The following CAPNS1 variants were observed in gnomAD, a reference collection of about 807,000 sequenced individuals.
The protein encoded by CAPNS1 is calpain small subunit 1, also known as CANP small subunit.
CAPNS1 carries 32 observed loss-of-function variants against 39.2 expected under a neutral mutation model. The observed-to-expected ratio is 0.82, with a 90% CI of 0.62 to 1.10. CAPNS1 has a LOEUF of 1.10. Ranked by LOEUF, CAPNS1 falls within the 50% of genes least tolerant of loss-of-function variation. The pLI, the probability that CAPNS1 is intolerant of heterozygous loss-of-function variation, is 0.00. For missense variants in CAPNS1, 353 were observed against 373.1 expected (o/e 0.95, Z 0.44); for synonymous variants, 153 against 136.2 (o/e 1.12, Z -0.86).
At chr19:36,140,852 T>A in intron 1 of CAPNS1, 145 bp from the exon 2 acceptor site, 1 of 1,278,056 alleles carries the variant, frequency 7.8e-7, no homozygotes, top group Non-Finnish European at 1.1e-6. Context: ...GCCCCACCCA[T>A]CCGCGGACAA....
rs1159111926 is a variant in CAPNS1, at chr19:36,142,310, G to A, written c.220G>A (p.Ala74Thr). 5.0e-6 allele frequency: 8 copies of A among 1,593,170 alleles called. No individual in the cohort carries two copies. The change falls in exon 3 of 11, where the codon GCG becomes ACG. Residue 74 changes from alanine to threonine, a missense_variant. Physicochemically the swap from Ala to Thr is moderately conservative, Grantham distance 58. Transcript: ENST00000246533. ...GVISAISEAAAQYNPEPPPPR... is the reference protein window; with the variant it reads ...GVISAISEAATQYNPEPPPPR... ...CTTATCTCTTCGCAGCGAGGCGGCT[G>A]CGCAGTACAACCCGGAGCCCCCGGT...
intron 3 of CAPNS1, 91 bp downstream of exon 3, chr19:36,142,424 C>G: frequency 1.4e-6 from 1 of 728,432 alleles, no homozygotes; most frequent in South Asian, 1.7e-5. Flanking sequence ...CACCTTCCTC[C>G]CCTTCTTGTG....
In CAPNS1 at chr19:36,140,110, C is replaced by G. The variant is rs866365052; in HGVS notation, c.-63C>G. ...CCGGAGCCGGACGCTGCGGGAGGCC[C>G]GGGAGCGGCAGTGGAACCGACTCCC... On this transcript the variant is annotated 5_prime_UTR_variant, in exon 1 of 11. Transcript: ENST00000246533. The G allele has an allele frequency of 1.3e-5, 2 of 152,200 alleles. No individual in the cohort carries two copies. The highest frequency in any genetic ancestry group is 6.5e-5 in the Admixed American group (1 of 15,286). 9.4% of individuals were successfully genotyped at this position (152,200 alleles called of 1,614,324 possible).
At position 36,146,203 on chromosome 19, in the gene CAPNS1, C is replaced by G. The variant is rs150977927; in HGVS notation, c.612C>G (p.His204Gln). 6.2e-7 allele frequency: 1 copy of G among 1,612,244 alleles called. No homozygotes were observed. Among genetic ancestry groups the G allele is most frequent in the African/African-American group, 1.3e-5 (1 of 75,024 alleles). ...LPGAFEAAGF[H>Q]LNEHLYNMII... is the part of the protein sequence containing the mutation. ...GGACTACATCCATCTTAGGGTTCCACCTGAATGAGCATCTCTATAACATGA... is the reference window on the plus strand; with the variant it reads ...GGACTACATCCATCTTAGGGTTCCAGCTGAATGAGCATCTCTATAACATGA... The change falls in exon 9 of 11, where the codon CAC becomes CAG. Residue 204 changes from histidine (H) to glutamine (Q), a missense_variant. His to Gln is a conservative substitution (Grantham distance 24, BLOSUM62 0). Coordinates refer to ENST00000246533, the MANE Select transcript of CAPNS1 (RefSeq NM_001749.4).
rs747214647 is a variant in CAPNS1, at chr19:36,141,038, G to GGGCGGC, written c.42_47dup (p.Gly19_Gly20dup). 3 of 1,539,568 alleles carry GGGCGGC rather than the reference G, an allele frequency of 1.9e-6. No individual in the cohort carries two copies. The highest frequency in any genetic ancestry group is 2.7e-6 in the Non-Finnish European group (3 of 1,131,702). On this transcript the variant is annotated inframe_insertion, in exon 2 of 11. Coordinates refer to ENST00000246533, the MANE Select transcript of CAPNS1 (RefSeq NM_001749.4). ...TGTTCCTGGTTAACTCGTTCTTGAA[G>GGGCGGC]GGCGGCGGCGGCGGCGGCGGGGGAG...
In CAPNS1 at chr19:36,141,005, C is replaced by T; in HGVS notation, c.-7C>T. 6.3e-7 allele frequency: 1 copy of T among 1,591,306 alleles called. No homozygotes were observed. The highest frequency in any genetic ancestry group is 8.6e-7 in the Non-Finnish European group (1 of 1,169,368). ...CCCTTTTTTCCCCCCAGCAGTGAGT[C>T]GCAGCCATGTTCCTGGTTAACTCGT... On this transcript the variant is annotated 5_prime_UTR_variant, in exon 2 of 11. Coordinates refer to ENST00000246533, the MANE Select transcript of CAPNS1 (RefSeq NM_001749.4).
intron 9 of CAPNS1, among the ~76,000 whole-genome samples, chr19:36,148,793 A>G (rs1209290544): frequency 1.3e-5 from 2 of 152,012 alleles, no homozygotes; most frequent in African/African-American, 4.8e-5. Context: ...AGCCTGGGCA[A>G]CAGAGTGGGA....
chr19:36,147,076 G>T (rs1326196102), intron 9 of CAPNS1, among the ~76,000 whole-genome samples: 1 of 152,146 alleles, frequency 6.6e-6, no homozygotes, highest in African/African-American at 2.4e-5. Flanking sequence ...GAACTCCTGG[G>T]CTCCAGCAAT....
chr19:36,149,306 T>A (rs1480865690), intron 9 of CAPNS1, among the ~76,000 whole-genome samples: 2 of 152,168 alleles, frequency 1.3e-5, no homozygotes, highest in African/African-American at 4.8e-5. Flanking sequence ...GCTCAAGTGA[T>A]CCTCCCATCT....
At position 36,141,174 on chromosome 19, in the gene CAPNS1, G is replaced by A. The variant is rs1456180893; in HGVS notation, c.163G>A (p.Gly55Ser). The change falls in exon 2 of 11, where the codon GGT becomes AGT. Residue 55 changes from glycine to serine, a missense_variant. Transcript: ENST00000246533. ...CGGCGGTGGTGGAGGCGGCGGTGGC[G>A]GTGGAACGGCCATGCGCATCCTAGG... The part of the protein sequence containing the change: ...GGGGGGGGGG[G>S]GTAMRILGGV... 4 of 1,418,444 alleles carry A rather than the reference G, an allele frequency of 2.8e-6. No individual in the cohort carries two copies. Among genetic ancestry groups the A allele is most frequent in the African/African-American group, 1.5e-5 (1 of 66,220 alleles). 87.9% of individuals were successfully genotyped at this position (1,418,444 alleles called of 1,614,324 possible).
At chr19:36,144,233 G>A (rs182242167) in intron 6 of CAPNS1, 4 of 151,870 alleles carry the variant, frequency 2.6e-5, no homozygotes, top group South Asian at 2.1e-4. Context: ...TTAGCTGGGC[G>A]TGGTGGTGCA....
chr19:36,142,768 G>A (rs1974426413), intron 4 of CAPNS1, 27 bp downstream of exon 4: 13 of 1,600,210 alleles, frequency 8.1e-6, no homozygotes, highest in East Asian at 2.2e-5. Flanking sequence ...CCCTGGCCCC[G>A]TCCTAACCGT....
intron 9 of CAPNS1, chr19:36,148,485 C>A (rs1181583701): frequency 6.7e-6 from 1 of 149,416 alleles, no homozygotes; most frequent in East Asian, 2.0e-4. Context: ...CCACTGGACT[C>A]CAGCCTGGGC....
intron 9 of CAPNS1, among the ~76,000 whole-genome samples, chr19:36,146,678 C>T (rs1208858942): frequency 6.6e-6 from 1 of 152,038 alleles, no homozygotes; most frequent in Non-Finnish European, 1.5e-5. Context: ...TGATGCAGCC[C>T]AAGGGGTCAG....
intron 9 of CAPNS1, among the ~76,000 whole-genome samples, chr19:36,147,061 G>T (rs1044740124): frequency 6.6e-6 from 1 of 152,134 alleles, no homozygotes; most frequent in Admixed American, 6.5e-5. Context: ...GCCCAGGCTG[G>T]TCTTGAACTC....
At position 36,142,286 on chromosome 19, in the gene CAPNS1, T is replaced by A; in HGVS notation, c.210-14T>A. 6.5e-7 allele frequency: 1 copy of A among 1,527,532 alleles called. No homozygotes were observed. Among genetic ancestry groups the A allele is most frequent in the Non-Finnish European group, 8.9e-7 (1 of 1,125,112 alleles). The allele number at this position is 1,527,532 out of a possible 1,614,324, so 94.6% of individuals were successfully genotyped here. Reference sequence around the variant, plus strand: ...CGCCCCTGGCACTAACCCCTCCCCCTTATCTCTTCGCAGCGAGGCGGCTGC... The same window carrying A: ...CGCCCCTGGCACTAACCCCTCCCCCATATCTCTTCGCAGCGAGGCGGCTGC... On this transcript the variant is annotated splice_polypyrimidine_tract_variant and intron_variant, in intron 2 of 10. Coordinates refer to ENST00000246533, the MANE Select transcript of CAPNS1 (RefSeq NM_001749.4).
At chr19:36,144,988 T>A (rs1180033680) in intron 6 of CAPNS1, among the ~76,000 whole-genome samples, 1 of 152,176 alleles carries the variant, frequency 6.6e-6, no homozygotes, top group African/African-American at 2.4e-5. Flanking sequence ...CTGGAAATAG[T>A]CCTGGTAGAA....
At chr19:36,147,022 T>C (rs1338255828) in intron 9 of CAPNS1, among the ~76,000 whole-genome samples, 2 of 152,012 alleles carry the variant, frequency 1.3e-5, no homozygotes, top group Admixed American at 6.6e-5. Flanking sequence ...TTTTTAAAAT[T>C]TTTTGTAGAG....
In CAPNS1 at chr19:36,140,980, C is replaced by T; in HGVS notation, c.-15-17C>T. 1 of 1,599,806 alleles carries T rather than the reference C, an allele frequency of 6.3e-7. No individual in the cohort carries two copies. The highest frequency in any genetic ancestry group is 8.5e-7 in the Non-Finnish European group (1 of 1,173,798). The stretch of plus-strand genomic sequence containing the variant: ...CTCAGGGGCGAAGCACCCACTGGTC[C>T]CCTTTTTTCCCCCCAGCAGTGAGTC... On this transcript the variant is annotated splice_polypyrimidine_tract_variant and intron_variant, in intron 1 of 10. Coordinates refer to ENST00000246533, the MANE Select transcript of CAPNS1 (RefSeq NM_001749.4).
Sources: gnomAD v4.1 joint callset for allele counts (sites outside exome capture counted in the v4.1 genomes callset) on GRCh38, gnomAD v4.1.1 for gene constraint, MANE v1.5 for transcripts, NCBI Gene and HGNC (gene_info 2026-07-23, HGNC 2026-07-21) for gene names.